The following SAAL1 variants were observed in gnomAD, a reference collection of about 807,000 sequenced individuals.
The protein encoded by SAAL1 is serum amyloid A like 1.
A neutral mutation model predicts 59.8 loss-of-function variants in SAAL1; 42 were observed. The observed-to-expected ratio is 0.70, with a 90% CI of 0.55 to 0.91. SAAL1 has a LOEUF of 0.91. Ranked by LOEUF, SAAL1 falls within the 40% of genes least tolerant of loss-of-function variation. The probability of loss-of-function intolerance (pLI) is 0.00; values close to 1 mark genes in which losing one functional copy is unlikely to be tolerated. For synonymous variants in SAAL1, 191 were observed against 194.3 expected (o/e 0.98, Z 0.14); for missense variants, 542 against 561.1 (o/e 0.97, Z 0.34).
At position 18,081,389 on chromosome 11, in the gene SAAL1, A is replaced by G. The variant is rs766656800; in HGVS notation, c.1332+22T>C. On this transcript the variant is annotated intron_variant, in intron 11 of 11. Transcript: ENST00000524803. ...GTAATCCTACAAAACTTGGCCACCT[A>G]TATACATTTACCCATACTCACCACA... 3.2e-6 allele frequency: 5 copies of G among 1,562,552 alleles called. No homozygotes were observed. The East Asian group carries it at 9.0e-5, about 28-fold the overall frequency.
intron 2 of SAAL1, 35 bp downstream of exon 2, chr11:18,103,198 C>A: frequency 1.4e-6 from 2 of 1,385,636 alleles, no homozygotes; most frequent in Non-Finnish European, 1.0e-6. Flanking sequence ...TCTCCTCACC[C>A]AACAGTCTTC....
At chr11:18,081,990 G>A (rs1258065846) in intron 10 of SAAL1, among the ~76,000 whole-genome samples, 1 of 152,094 alleles carries the variant, frequency 6.6e-6, no homozygotes, top group Admixed American at 6.6e-5. Flanking sequence ...TTTCTAAACT[G>A]ATCGTATCAC....
At position 18,080,411 on chromosome 11, in the gene SAAL1, C is replaced by T; in HGVS notation, c.1413G>A (p.Lys471=). Reference sequence around the variant, plus strand: ...TCCAATTCAGGTTTTAAGTCTGAACCTTCAAACTTGGGAAGTTTTTTTCCA... The same window carrying T: ...TCCAATTCAGGTTTTAAGTCTGAACTTTCAAACTTGGGAAGTTTTTTTCCA... ...DDLEKNFPSL[K]VQT is the part of the protein sequence containing the mutation. The change falls in exon 12 of 12, where the codon AAG becomes AAA. Residue 471 remains lysine (K), a synonymous_variant. Transcript: ENST00000524803. The T allele has an allele frequency of 6.3e-7, 1 of 1,588,788 alleles. No homozygotes were observed. The highest frequency in any genetic ancestry group is 2.3e-5 in the East Asian group (1 of 44,062).
rs543776663 is a variant in SAAL1, at chr11:18,088,495, G to A, written c.770+835C>T. Reference sequence around the variant, plus strand: ...GCTTTAAAGTCTAGGCTTGGGAAGAGCAAGCATAGAGGCAGGGAATTCAAG... The same window carrying A: ...GCTTTAAAGTCTAGGCTTGGGAAGAACAAGCATAGAGGCAGGGAATTCAAG... On this transcript the variant is annotated intron_variant, in intron 7 of 11. Coordinates refer to ENST00000524803, the MANE Select transcript of SAAL1 (RefSeq NM_138421.3). Among the ~76,000 whole-genome samples the A allele has an allele frequency of 2.6e-4, 40 of 152,186 alleles. 1 individual carries two copies. The highest frequency in any genetic ancestry group is 2.5e-4 in the Non-Finnish European group (17 of 68,044).
intron 10 of SAAL1, chr11:18,081,782 C>T (rs1484479729): frequency 2.6e-5 from 9 of 350,056 alleles, no homozygotes; most frequent in South Asian, 1.2e-4. Flanking sequence ...TGACTCCTCC[C>T]GGCAAGTGCT....
chr11:18,085,216 A>G (rs1848450906), intron 9 of SAAL1, among the ~76,000 whole-genome samples: 1 of 152,206 alleles, frequency 6.6e-6, no homozygotes, highest in African/African-American at 2.4e-5. Flanking sequence ...AGAAGAATAA[A>G]CCAGAGATAG....
At chr11:18,099,869 C>A (rs1257970656) in intron 2 of SAAL1, among the ~76,000 whole-genome samples, 2 of 152,180 alleles carry the variant, frequency 1.3e-5, no homozygotes, top group Non-Finnish European at 2.9e-5. Context: ...TTCATGGTTA[C>A]AGAACGATAG....
intron 2 of SAAL1, among the ~76,000 whole-genome samples, chr11:18,099,222 A>G (rs1848607156): frequency 6.6e-6 from 1 of 152,202 alleles, no homozygotes; most frequent in South Asian, 2.1e-4. Context: ...GGCTCAAGTG[A>G]TCCTCCTGCC....
chr11:18,085,224 T>C (rs931395268), intron 9 of SAAL1, among the ~76,000 whole-genome samples: 2 of 152,248 alleles, frequency 1.3e-5, no homozygotes, highest in Non-Finnish European at 2.9e-5. Context: ...AAACCAGAGA[T>C]AGACAAGTGA....
chr11:18,101,484 T>C (rs1201364493), intron 2 of SAAL1, among the ~76,000 whole-genome samples: 3 of 152,210 alleles, frequency 2.0e-5, no homozygotes, highest in Non-Finnish European at 4.4e-5. Flanking sequence ...TTCTCCTTCC[T>C]GCCACCGTGT....
chr11:18,095,289 A>G (rs1347949233), intron 3 of SAAL1, among the ~76,000 whole-genome samples: 6 of 152,190 alleles, frequency 3.9e-5, no homozygotes, highest in Non-Finnish European at 7.3e-5. Flanking sequence ...TTCTTTATAT[A>G]CTAGTAGTGA....
intron 2 of SAAL1, among the ~76,000 whole-genome samples, chr11:18,097,943 G>A (rs541798793): frequency 2.0e-5 from 3 of 152,096 alleles, no homozygotes; most frequent in African/African-American, 4.8e-5. Context: ...CCAGGAGTTC[G>A]AGACCAGCCT....
At chr11:18,099,449 GAACA>G (rs2134064561) in intron 2 of SAAL1, among the ~76,000 whole-genome samples, 1 of 152,122 alleles carries the variant, frequency 6.6e-6, no homozygotes, top group East Asian at 1.9e-4. Context: ...CTAAAGAAAT[GAACA>G]AACAATAAAT....
intron 9 of SAAL1, among the ~76,000 whole-genome samples, chr11:18,086,305 G>A (rs184309061): frequency 1.3e-5 from 2 of 152,284 alleles, no homozygotes; most frequent in African/African-American, 4.8e-5. Context: ...AGGAGGCTGA[G>A]GTGAGACAAT....
intron 4 of SAAL1, among the ~76,000 whole-genome samples, chr11:18,091,836 G>A (rs1482006399): frequency 6.6e-6 from 1 of 152,160 alleles, no homozygotes; most frequent in African/African-American, 2.4e-5. Flanking sequence ...TTGTTGGCAA[G>A]TCTTACACTC....
chr11:18,092,290 C>G lies in SAAL1; in HGVS notation c.368G>C (p.Cys123Ser), dbSNP rs1465116936. 3.1e-6 allele frequency: 5 copies of G among 1,608,078 alleles called. No individual in the cohort carries two copies. Among genetic ancestry groups the G allele is most frequent in the Non-Finnish European group, 4.3e-6 (5 of 1,174,564 alleles). ...GATGGACACACATATCTCCTGGAAA[C>G]AGGCCATATTACCTAAAATTCCCAC... ...ICVGILGNMA[C>S]FQEICVSISS... is the part of the protein sequence containing the mutation. Residue 123 changes from cysteine (C) to serine (S), a missense_variant, in exon 4 of 12, where the codon TGT (cysteine) becomes TCT (serine). By Grantham distance (112) the Cys-to-Ser change is moderately radical. Coordinates refer to ENST00000524803, the MANE Select transcript of SAAL1 (RefSeq NM_138421.3).
chr11:18,105,126 G>C (rs78022680), intron 1 of SAAL1, among the ~76,000 whole-genome samples: 113 of 152,060 alleles, frequency 7.4e-4, no homozygotes, highest in African/African-American at 2.7e-3. Flanking sequence ...GACAAATAGA[G>C]GTTCTGAGCC....
intron 3 of SAAL1, among the ~76,000 whole-genome samples, chr11:18,093,000 T>C (rs11024475): frequency 0.41 from 62,924 of 152,006 alleles, 13,650 homozygotes; most frequent in African/African-American, 0.51. Flanking sequence ...AAACAATTCA[T>C]GTTTTAAATT....
At chr11:18,092,146 A>C (rs1377868003) in intron 4 of SAAL1, 99 bp downstream of exon 4, 3 of 635,408 alleles carry the variant, frequency 4.7e-6, no homozygotes, top group Non-Finnish European at 8.2e-6. Context: ...AGACAAAGAA[A>C]GGACTGTCTT....
Sources: gnomAD v4.1 joint callset for allele counts (sites outside exome capture counted in the v4.1 genomes callset) on GRCh38, gnomAD v4.1.1 for gene constraint, MANE v1.5 for transcripts, NCBI Gene and HGNC (gene_info 2026-07-23, HGNC 2026-07-21) for gene names.